USP6: variants seen among roughly 807,000 people sequenced by gnomAD.
USP6 encodes ubiquitin specific peptidase 6.
A neutral mutation model predicts 175.7 loss-of-function variants in USP6; 128 were observed. That is an observed-to-expected ratio of 0.73 (90% CI 0.63 to 0.84). The LOEUF is 0.84. Among genes scored for constraint, USP6 ranks in the 40% least tolerant of loss-of-function variants. The pLI is 0.00. For synonymous variants in USP6, 562 were observed against 630.6 expected, an observed-to-expected ratio of 0.89 and a Z score of 1.63; for missense variants, 1,498 against 1,760.3, an observed-to-expected ratio of 0.85 and a Z score of 2.67.
intron 37 of USP6, among the ~76,000 whole-genome samples, chr17:5,172,246 G>A (rs2144198285): frequency 6.6e-6 from 1 of 150,616 alleles, no homozygotes; most frequent in East Asian, 2.0e-4. Context: ...ATTTGATGGG[G>A]TTGGGCCGAG....
chr17:5,137,967 A>AC (rs1216217294), intron 20 of USP6, among the ~76,000 whole-genome samples, 154 bp from the exon 21 acceptor site: 2 of 151,292 alleles, frequency 1.3e-5, no homozygotes, highest in African/African-American at 4.9e-5. Context: ...TGTCCAGATC[A>AC]CCCCCCAGCC....
At position 5,130,418 on chromosome 17, in the gene USP6, C is replaced by A; in HGVS notation, c.51C>A (p.Asp17Glu). The change falls in exon 10 of 38, where the codon GAC (aspartate) becomes GAA (glutamate). Residue 17 changes from aspartate (D) to glutamate (E), a missense_variant. Physicochemically the swap from Asp to Glu is conservative, Grantham distance 45. This residue lies in a region of USP6 where 281 missense variants were observed against 259.6 expected (regional missense o/e 1.08). Coordinates refer to ENST00000574788, the MANE Select transcript of USP6 (RefSeq NM_001304284.2). ...GTTTGCAGGCACAGGAGCGGAAGGA[C>A]ATACTTATGAAGTATGACAAGGTAC... ...ADSLQAQERK[D>E]ILMKYDKGHR... The A allele has an allele frequency of 6.2e-7, 1 of 1,614,124 alleles. No homozygotes were observed. The highest frequency in any genetic ancestry group is 8.5e-7 in the Non-Finnish European group (1 of 1,180,022).
chr17:5,130,704 C>T lies in USP6; in HGVS notation c.155+20C>T, dbSNP rs1297471987. The T allele has an allele frequency of 1.2e-6, 2 of 1,612,482 alleles. No homozygotes were observed. Among genetic ancestry groups the T allele is most frequent in the Admixed American group, 3.3e-5 (2 of 60,016 alleles). On this transcript the variant is annotated intron_variant, in intron 11 of 37. Coordinates refer to ENST00000574788, the MANE Select transcript of USP6 (RefSeq NM_001304284.2). The stretch of plus-strand genomic sequence containing the variant: ...TTTGCAGTGAGTCATCCTCTATGCT[C>T]CCCTCACCCCTAAAGCAGCTGTCTC...
rs1471896044 is a variant in USP6 at position 5,138,164 on chromosome 17, G to A, written c.969G>A (p.Leu323=). 2 of 1,613,974 alleles carry A rather than the reference G, an allele frequency of 1.2e-6. No individual in the cohort carries two copies. The highest frequency in any genetic ancestry group is 2.7e-5 in the African/African-American group (2 of 74,888). The change falls in exon 21 of 38, where the codon CTG becomes CTA. Residue 323 remains leucine, a synonymous_variant. Transcript: ENST00000574788. ...KTSRCGLWAR[L]RNQFFDTWAM... is the part of the protein sequence containing the mutation. ...CCAGGTGTGGCCTGTGGGCACGTCTGCGGAACCAATTCTTCGATACCTGGG... is the reference window on the plus strand; with the variant it reads ...CCAGGTGTGGCCTGTGGGCACGTCTACGGAACCAATTCTTCGATACCTGGG...
chr17:5,134,866 C>A lies in USP6; in HGVS notation c.495-368C>A, dbSNP rs560996675. On this transcript the variant is annotated intron_variant, in intron 15 of 37. Transcript: ENST00000574788. ...GGAGAGGCTGGGTGCATAGGGGAAA[C>A]CCTGGAGATTTGGAAGATGATGGAG... The A allele has an allele frequency of 6.1e-4, 207 of 339,856 alleles. 1 individual carries two copies. Among genetic ancestry groups the A allele is most frequent in the Non-Finnish European group, 9.3e-4 (164 of 175,938 alleles). 21.1% of individuals were successfully genotyped at this position (339,856 alleles called of 1,614,324 possible).
chr17:5,145,008 ATTG>A, intron 26 of USP6, 145 bp downstream of exon 26: 2 of 1,280,006 alleles, frequency 1.6e-6, no homozygotes, highest in South Asian at 3.9e-5. Context: ...TCTATGCTTA[ATTG>A]TTATGTGATA....
intron 23 of USP6, 83 bp from the exon 24 acceptor site, chr17:5,141,920 A>G (rs1219132795): frequency 6.6e-7 from 1 of 1,516,218 alleles, no homozygotes; most frequent in Non-Finnish European, 8.8e-7. Flanking sequence ...GTTATAAAAA[A>G]TCTTTTCATT....
At chr17:5,144,994 T>C in intron 26 of USP6, 131 bp downstream of exon 26, 1 of 1,340,296 alleles carries the variant, frequency 7.5e-7, no homozygotes, top group Non-Finnish European at 9.9e-7. Flanking sequence ...AAGGAATTTC[T>C]ATTTCTATGC....
Position 5,124,925 on chromosome 17 carries a change from A to G in USP6, c.-939A>G, listed in dbSNP as rs1287365928. ...CAAGGTGAATAATTTCAATTGACAT[A>G]ATAATGTATTTATCTTGCTGGGTAA... On this transcript the variant is annotated 5_prime_UTR_variant, in exon 5 of 38. The change creates a new upstream start codon in the 5' untranslated region. Transcript: ENST00000574788. 1 of 152,204 alleles carries G rather than the reference A, an allele frequency of 6.6e-6. No homozygotes were observed. Among genetic ancestry groups the G allele is most frequent in the East Asian group, 1.9e-4 (1 of 5,202 alleles). 9.4% of individuals were successfully genotyped at this position (152,204 alleles called of 1,614,324 possible). A position where few individuals can be genotyped will look rare whatever the true frequency, so the allele number is the denominator to read the frequency against.
rs1446666354 is a variant in USP6 at position 5,130,697 on chromosome 17, C to T, written c.155+13C>T. On this transcript the variant is annotated intron_variant, in intron 11 of 37. Transcript: ENST00000574788. Reference sequence around the variant, plus strand: ...TTGGCATTTTGCAGTGAGTCATCCTCTATGCTCCCCTCACCCCTAAAGCAG... The same window carrying T: ...TTGGCATTTTGCAGTGAGTCATCCTTTATGCTCCCCTCACCCCTAAAGCAG... The T allele has an allele frequency of 6.2e-7, 1 of 1,613,650 alleles. No homozygotes were observed. Among genetic ancestry groups the T allele is most frequent in the African/African-American group, 1.3e-5 (1 of 74,936 alleles).
chr17:5,152,988 CCA>C (rs2073806726), intron 30 of USP6, among the ~76,000 whole-genome samples: 1 of 151,754 alleles, frequency 6.6e-6, no homozygotes, highest in Non-Finnish European at 1.5e-5. Context: ...AGAGCTAGAC[CCA>C]GTTTCAAAAA....
rs1396052550 is a variant in USP6 at position 5,174,115 on chromosome 17, G to A, written c.*1137G>A. 5.0e-6 allele frequency: 1 copy of A among 201,632 alleles called. No homozygotes were observed. The highest frequency in any genetic ancestry group is 6.0e-5 in the Admixed American group (1 of 16,626). The allele number at this position is 201,632 out of a possible 1,614,324, so 12.5% of individuals were successfully genotyped here. A position where few individuals can be genotyped will look rare whatever the true frequency, so the allele number is the denominator to read the frequency against. ...GCATGTCCACTGGTTTTTTTATTTT[G>A]ATATTTGTCTTTTTTTAAATTTTAC... On this transcript the variant is annotated 3_prime_UTR_variant, in exon 38 of 38. Coordinates refer to ENST00000574788, the MANE Select transcript of USP6 (RefSeq NM_001304284.2).
At chr17:5,136,286 C>T (rs2073250903) in intron 17 of USP6, among the ~76,000 whole-genome samples, 1 of 152,220 alleles carries the variant, frequency 6.6e-6, no homozygotes, top group African/African-American at 2.4e-5. Flanking sequence ...AATGGGCTGA[C>T]CAAGCCCAGG....
chr17:5,132,781 T>A lies in USP6; in HGVS notation c.196-129T>A. 8.3e-7 allele frequency: 1 copy of A among 1,198,582 alleles called. No individual in the cohort carries two copies. The highest frequency in any genetic ancestry group is 2.3e-5 in the East Asian group (1 of 42,842). The allele number at this position is 1,198,582 out of a possible 1,614,324, so 74.2% of individuals were successfully genotyped here. On this transcript the variant is annotated intron_variant, in intron 12 of 37. Coordinates refer to ENST00000574788, the MANE Select transcript of USP6 (RefSeq NM_001304284.2). The surrounding 1 kb of genome is among the most constrained non-coding windows in gnomAD (Gnocchi z 4.7). ...CATTTGCTCAAAGGCTCTCAGCCCT[T>A]AGGGTCTGCCCTTCCCTGGCTCCTT...
At chr17:5,137,914 C>G (rs535957500) in intron 20 of USP6, among the ~76,000 whole-genome samples, 164 bp downstream of exon 20, 16 of 152,258 alleles carry the variant, frequency 1.1e-4, no homozygotes, top group Admixed American at 9.1e-4. Context: ...GCCCATCCCC[C>G]ACATGACCCA....
intron 6 of USP6, among the ~76,000 whole-genome samples, chr17:5,127,172 A>G (rs1035291293): frequency 2.7e-5 from 4 of 148,058 alleles, no homozygotes; most frequent in African/African-American, 9.9e-5. Flanking sequence ...TAGGCTGTCC[A>G]GATCCAGGCT....
chr17:5,144,280 CATT>C (rs1244692851), intron 25 of USP6, among the ~76,000 whole-genome samples: 5 of 149,956 alleles, frequency 3.3e-5, no homozygotes, highest in African/African-American at 1.2e-4. Flanking sequence ...ATTATATACA[CATT>C]ATTTTATGCA....
At chr17:5,151,431 ATGTGTGTGTG>A (rs138448773) in intron 30 of USP6, among the ~76,000 whole-genome samples, 14 of 146,640 alleles carry the variant, frequency 9.5e-5, no homozygotes, top group Non-Finnish European at 1.1e-4. Flanking sequence ...CAAAGTCTGC[ATGTGTGTGTG>A]TGTGTGTGTG....
intron 17 of USP6, 71 bp downstream of exon 17, chr17:5,135,999 G>A (rs3213877): frequency 0.064 from 101,585 of 1,593,792 alleles, 3,625 homozygotes; most frequent in East Asian, 0.15. Context: ...AGGTGATCTC[G>A]GCTTTCAGCC....
Sources: gnomAD v4.1 joint callset for allele counts (sites outside exome capture counted in the v4.1 genomes callset) on GRCh38, gnomAD v4.1.1 for gene constraint, gnomAD v4.1.1 regional missense constraint, Gnocchi (gnomAD v3.1) non-coding constraint, MANE v1.5 for transcripts, NCBI Gene and HGNC (gene_info 2026-07-23, HGNC 2026-07-21) for gene names.